Variants in SFMBT1 observed in about 807,000 individuals in gnomAD.
SFMBT1 encodes the protein scm-like with four MBT domains protein 1.
In SFMBT1, 32 loss-of-function variants were observed where a neutral mutation model predicts 108.7. That is an observed-to-expected ratio of 0.29 (90% CI 0.22 to 0.40). The LOEUF (loss-of-function observed/expected upper bound fraction) is 0.40. Among genes scored for constraint, SFMBT1 ranks in the 10% least tolerant of loss-of-function variants. The probability of loss-of-function intolerance (pLI) is 1.00; values close to 1 mark genes in which losing one functional copy is unlikely to be tolerated. For synonymous variants in SFMBT1, 348 were observed against 369.5 expected, an observed-to-expected ratio of 0.94 and a Z score of 0.67; for missense variants, 816 against 1,059.6, an observed-to-expected ratio of 0.77 and a Z score of 3.19.
intron 2 of SFMBT1, among the ~76,000 whole-genome samples, chr3:52,964,472 C>T (rs1477766498): frequency 6.6e-6 from 1 of 152,202 alleles, no homozygotes; most frequent in Non-Finnish European, 1.5e-5. Context: ...CATGATCATG[C>T]CACTGTACTC....
At chr3:52,982,919 G>T (rs1165376142) in intron 1 of SFMBT1, among the ~76,000 whole-genome samples, 1 of 151,980 alleles carries the variant, frequency 6.6e-6, no homozygotes, top group African/African-American at 2.4e-5. Flanking sequence ...CTGGCAGAAG[G>T]GTTTGGATTA....
Position 52,918,501 on chromosome 3 carries a change from C to G in SFMBT1, c.1398G>C (p.Val466=). ...ARVYKQRKIA[V]VQPEKQVPSS... ...TTACTTACTGTTTTTCTGGCTGAACCACTGCAATTTTCCTCTGTTTATATA... is the reference window on the plus strand; with the variant it reads ...TTACTTACTGTTTTTCTGGCTGAACGACTGCAATTTTCCTCTGTTTATATA... Residue 466 remains valine (V), a synonymous_variant, in exon 13 of 21, where the codon GTG becomes GTC. Coordinates refer to ENST00000394752, the MANE Select transcript of SFMBT1 (RefSeq NM_016329.4). 3.2e-6 allele frequency: 5 copies of G among 1,558,042 alleles called. No homozygotes were observed. The highest frequency in any genetic ancestry group is 4.3e-6 in the Non-Finnish European group (5 of 1,159,128).
intron 1 of SFMBT1, among the ~76,000 whole-genome samples, chr3:52,976,940 G>A (rs887113739): frequency 1.3e-5 from 2 of 152,158 alleles, no homozygotes; most frequent in Non-Finnish European, 2.9e-5. Context: ...TGCAGAAATG[G>A]AAGCCGTCAT....
intron 1 of SFMBT1, among the ~76,000 whole-genome samples, chr3:53,007,842 G>A (rs1698800008): frequency 6.6e-6 from 1 of 152,124 alleles, no homozygotes; most frequent in Non-Finnish European, 1.5e-5. Flanking sequence ...AGGAGGCAAT[G>A]AGACATAACA....
At chr3:53,044,556 C>A (rs991692963) in intron 1 of SFMBT1, among the ~76,000 whole-genome samples, 2 of 152,226 alleles carry the variant, frequency 1.3e-5, no homozygotes, top group Non-Finnish European at 2.9e-5. Flanking sequence ...CATGAAGACA[C>A]ATCTTCCTTC....
chr3:53,033,083 G>C (rs1267539815), intron 1 of SFMBT1, among the ~76,000 whole-genome samples: 3 of 152,142 alleles, frequency 2.0e-5, no homozygotes, highest in Admixed American at 6.5e-5. Context: ...TGAGGTAGGA[G>C]GATCGTTTGA....
In SFMBT1 at chr3:52,958,157, A is replaced by G. The variant is rs189411020; in HGVS notation, c.29-3746T>C. On this transcript the variant is annotated intron_variant, in intron 2 of 20. Coordinates refer to ENST00000394752, the MANE Select transcript of SFMBT1 (RefSeq NM_016329.4). Reference sequence around the variant, plus strand: ...CATTAAAAAGCGGACAAAGGACATGAACAGACACCTTACAAAAGAAGACAT... The same window carrying G: ...CATTAAAAAGCGGACAAAGGACATGGACAGACACCTTACAAAAGAAGACAT... Among the ~76,000 whole-genome samples the G allele has an allele frequency of 1.5e-3, 236 of 152,340 alleles. 1 individual carries two copies. The highest frequency in any genetic ancestry group is 5.4e-3 in the African/African-American group (225 of 41,578).
intron 14 of SFMBT1, among the ~76,000 whole-genome samples, chr3:52,914,236 G>T (rs1158981221): frequency 6.6e-6 from 1 of 152,088 alleles, no homozygotes; most frequent in Non-Finnish European, 1.5e-5. Flanking sequence ...TCAATTTAAT[G>T]TTTTTAAAAA....
intron 1 of SFMBT1, among the ~76,000 whole-genome samples, chr3:52,991,022 C>T (rs1037691478): frequency 2.0e-5 from 3 of 152,154 alleles, no homozygotes; most frequent in Non-Finnish European, 4.4e-5. Flanking sequence ...CATTTGCAAA[C>T]GTCTGCATAG....
intron 1 of SFMBT1, among the ~76,000 whole-genome samples, chr3:53,039,339 G>T (rs1221715071): frequency 3.3e-5 from 5 of 150,534 alleles, no homozygotes; most frequent in Non-Finnish European, 5.9e-5. Flanking sequence ...AAGACATTAT[G>T]TTAAGTGAAT....
intron 9 of SFMBT1, among the ~76,000 whole-genome samples, chr3:52,927,890 C>A (rs1702707043): frequency 6.6e-6 from 1 of 152,150 alleles, no homozygotes; most frequent in Non-Finnish European, 1.5e-5. Context: ...ATAAAAGGGA[C>A]TAAGGAGCCA....
chr3:52,975,460 G>A lies in SFMBT1; in HGVS notation c.-130-6202C>T, dbSNP rs527633696. Reference sequence around the variant, plus strand: ...TCCCAGCACTGTGGGAAGGCAAGGCGGGAGGATAGCTTGAGCCCAGGAGTT... The same window carrying A: ...TCCCAGCACTGTGGGAAGGCAAGGCAGGAGGATAGCTTGAGCCCAGGAGTT... On this transcript the variant is annotated intron_variant, in intron 1 of 20. Coordinates refer to ENST00000394752, the MANE Select transcript of SFMBT1 (RefSeq NM_016329.4). 8.5e-5 allele frequency among the ~76,000 whole-genome samples: 13 copies of A among 152,166 alleles called. No homozygotes were observed. The South Asian group carries it at 2.7e-3, about 32-fold the overall frequency.
At chr3:53,038,697 A>G (rs1699941346) in intron 1 of SFMBT1, among the ~76,000 whole-genome samples, 1 of 152,246 alleles carries the variant, frequency 6.6e-6, no homozygotes, top group African/African-American at 2.4e-5. Context: ...ACAGAATTAA[A>G]GTGATACAGC....
intron 1 of SFMBT1, among the ~76,000 whole-genome samples, chr3:53,020,780 G>A (rs2106942237): frequency 6.6e-6 from 1 of 152,226 alleles, no homozygotes; most frequent in South Asian, 2.1e-4. Flanking sequence ...GTAGAGGCCG[G>A]GTACGGTGGT....
At chr3:52,953,928 G>C (rs1204128085) in intron 3 of SFMBT1, among the ~76,000 whole-genome samples, 2 of 151,994 alleles carry the variant, frequency 1.3e-5, no homozygotes, top group Non-Finnish European at 2.9e-5. Context: ...AGGAGATCGA[G>C]ACCATCCTGG....
rs1397115209 is a variant in SFMBT1 at position 52,907,596 on chromosome 3, A to G, written c.2044T>C (p.Ser682Pro). Residue 682 changes from serine (S) to proline (P), a missense_variant, in exon 18 of 21, where the codon TCC becomes CCC. Physicochemically the swap from Ser to Pro is moderately conservative, Grantham distance 74 (BLOSUM62 -1). Coordinates refer to ENST00000394752, the MANE Select transcript of SFMBT1 (RefSeq NM_016329.4). ...GGGGTATTATCAACAGATGCAGAGG[A>G]GCGTTTCTTCTTATGAACAAAAACA... The part of the protein sequence containing the change: ...KNVFVHKKKR[S>P]SASVDNTPAG... 3 of 1,614,096 alleles carry G rather than the reference A, an allele frequency of 1.9e-6. No individual in the cohort carries two copies. The South Asian group carries it at 3.3e-5, about 18-fold the overall frequency.
chr3:53,006,575 G>A (rs1698749593), intron 1 of SFMBT1, among the ~76,000 whole-genome samples: 1 of 149,784 alleles, frequency 6.7e-6, no homozygotes. Context: ...GTTGTAGTGA[G>A]CCGAGATCCT....
rs536070178 is a variant in SFMBT1, at chr3:52,950,746, T to C, written c.123+3571A>G. Among the ~76,000 whole-genome samples, 5 of 152,118 alleles carry C rather than the reference T, an allele frequency of 3.3e-5. No homozygotes were observed. In the South Asian group the frequency reaches 1.0e-3, roughly 32 times the overall value. On this transcript the variant is annotated intron_variant, in intron 3 of 20. Transcript: ENST00000394752. ...GCCATGGCCTCCCAAAGTGCTGGGA[T>C]TACAGGCGTGAGCCACCGTGCCCGG...
intron 1 of SFMBT1, among the ~76,000 whole-genome samples, chr3:53,037,138 G>A (rs374528515): frequency 6.6e-6 from 1 of 152,214 alleles, no homozygotes; most frequent in African/African-American, 2.4e-5. Context: ...TAGGAGAGGA[G>A]CTAGGGTGAG....
Sources: allele counts gnomAD v4.1 joint callset (sites outside exome capture counted in the v4.1 genomes callset), GRCh38; gene constraint gnomAD v4.1.1; transcripts MANE v1.5; gene names NCBI Gene and HGNC (gene_info 2026-07-23, HGNC 2026-07-21).